The following CANX variants were observed in gnomAD, a reference collection of about 807,000 sequenced individuals.
CANX encodes calnexin, also known as epididymis secretory sperm binding protein.
In CANX, 14 loss-of-function variants were observed where a neutral mutation model predicts 75.7. The ratio of observed to expected loss-of-function variants is 0.19; its 90% CI spans 0.12 to 0.29. The LOEUF is 0.29. Among genes scored for constraint, CANX ranks in the 10% least tolerant of loss-of-function variants. The pLI, the probability that CANX is intolerant of heterozygous loss-of-function variation, is 1.00. For missense variants in CANX, 567 were observed against 713.2 expected (o/e 0.79, Z 2.34); for synonymous variants, 227 against 236.9 (o/e 0.96, Z 0.38).
At chr5:179,718,704 T>G (rs569645849) in intron 8 of CANX, among the ~76,000 whole-genome samples, 17 of 152,154 alleles carry the variant, frequency 1.1e-4, no homozygotes, top group South Asian at 2.1e-4. Context: ...AATTTTGTAT[T>G]TTTAGTAGAG....
chr5:179,705,650 A>G lies in CANX; in HGVS notation c.-3-29A>G, dbSNP rs186191355. On this transcript the variant is annotated intron_variant, in intron 1 of 14. Coordinates refer to ENST00000247461, the MANE Select transcript of CANX (RefSeq NM_001746.4). ...CATGAAGTTTGATAGGTGGCAATAC[A>G]TTTAACTGATTTTGCTCTTTATGTG... 1,106 of 1,579,022 alleles carry G rather than the reference A, an allele frequency of 7.0e-4. 11 individuals are homozygous for G. In the South Asian group the frequency reaches 9.2e-3, roughly 13 times the overall value.
intron 11 of CANX, 116 bp downstream of exon 11, chr5:179,723,135 C>A: frequency 1.2e-6 from 1 of 821,932 alleles, no homozygotes; most frequent in Non-Finnish European, 2.0e-6. Flanking sequence ...AAAAGTATAA[C>A]CATATGCCTG....
At chr5:179,696,694 C>G (rs1275241631), upstream of CANX, among the ~76,000 whole-genome samples, 1 of 152,180 alleles carries the variant, frequency 6.6e-6, no homozygotes, top group African/African-American at 2.4e-5. Context: ...TATGAGAATA[C>G]ATCTCCCTTT....
At chr5:179,713,090 T>A (rs767938086) in intron 7 of CANX, among the ~76,000 whole-genome samples, 1 of 151,762 alleles carries the variant, frequency 6.6e-6, no homozygotes, top group Non-Finnish European at 1.5e-5. Context: ...AACCTTTTTT[T>A]CTTTTTTTTG....
At chr5:179,722,106 G>A (rs931011298) in intron 10 of CANX, among the ~76,000 whole-genome samples, 5 of 152,132 alleles carry the variant, frequency 3.3e-5, no homozygotes. Flanking sequence ...GAGGTGGGTG[G>A]ATCACCTGAG....
chr5:179,678,866 C>A (rs1268550218), intron 1 of CANX: 1 of 1,536,454 alleles, frequency 6.5e-7, no homozygotes, highest in Non-Finnish European at 8.7e-7. Context: ...CAGCGGCGAC[C>A]GCGTCCTCGC....
Position 179,716,201 on chromosome 5 carries a change from C to T in CANX, c.818C>T (p.Ser273Leu), listed in dbSNP as rs143170114. ...LNDMTPPVNPSREIEDPEDRK... is the reference protein window; with the variant it reads ...LNDMTPPVNPLREIEDPEDRK... ...GACATGACTCCTCCTGTAAATCCTT[C>T]ACGTGAAATTGAGGACCCAGAAGAC... The change falls in exon 8 of 15, where the codon TCA becomes TTA. Residue 273 changes from serine to leucine, a missense_variant. Physicochemically the swap from Ser to Leu is moderately radical, Grantham distance 145. This residue lies in a region of CANX where 351 missense variants were observed against 433.8 expected (regional missense o/e 0.81). Coordinates refer to ENST00000247461, the MANE Select transcript of CANX (RefSeq NM_001746.4). 20 of 1,613,542 alleles carry T rather than the reference C, an allele frequency of 1.2e-5. No homozygotes were observed. The African/African-American group carries it at 2.5e-4, about 20-fold the overall frequency.
At chr5:179,698,454 C>G (rs776263764), upstream of CANX, 22 of 1,288,378 alleles carry the variant, frequency 1.7e-5, no homozygotes, top group East Asian at 1.1e-4. Flanking sequence ...GCGCTGGGTT[C>G]TGCTCACGCC....
intron 5 of CANX, 23 bp from the exon 6 acceptor site, chr5:179,708,955 T>C: frequency 7.9e-7 from 1 of 1,261,224 alleles, no homozygotes. Context: ...CATACAGTTT[T>C]CTGCTTTTCT....
intron 14 of CANX, 93 bp from the exon 15 acceptor site, chr5:179,728,488 TCCTCAAATAA>T: frequency 1.5e-6 from 1 of 685,154 alleles, no homozygotes; most frequent in Admixed American, 2.6e-5. Context: ...CTCATTTTTT[TCCTCAAATAA>T]GTTACCCTCA....
Position 179,686,005 on chromosome 5 carries a change from T to C in CANX, c.-4+7228T>C, listed in dbSNP as rs767726403. On this transcript the variant is annotated intron_variant, in intron 1 of 14. Transcript: ENST00000681674. ...CGTGCCCAGCCTCATCCTTAATAAA[T>C]TGAGGTTTTAATTTGCATTTCTCTA... is the stretch of plus-strand genomic sequence containing the variant. Among the ~76,000 whole-genome samples the C allele has an allele frequency of 6.2e-4, 95 of 152,036 alleles. 1 individual carries two copies. Among genetic ancestry groups the C allele is most frequent in the Non-Finnish European group, 1.0e-3 (69 of 68,026 alleles).
Position 179,728,991 on chromosome 5 carries a change from A to G in CANX, c.*347A>G. ...AGATCTTGGCTTAATTTAATGTATT[A>G]ATCTGTTTGTGCAAACATAATACCA... On this transcript the variant is annotated 3_prime_UTR_variant, in exon 15 of 15. Transcript: ENST00000247461. The G allele has an allele frequency of 1.8e-5, 6 of 334,912 alleles. No homozygotes were observed. The highest frequency in any genetic ancestry group is 1.5e-4 in the South Asian group (6 of 40,492). 20.7% of individuals were successfully genotyped at this position (334,912 alleles called of 1,614,324 possible). A position where few individuals can be genotyped will look rare whatever the true frequency, so the allele number is the denominator to read the frequency against.
At chr5:179,704,527 GAAA>G (rs548978305) in intron 1 of CANX, 3 of 134,376 alleles carry the variant, frequency 2.2e-5, no homozygotes, top group African/African-American at 2.8e-5. Flanking sequence ...CTCATCTCAG[GAAA>G]AAAAAAAAAA....
chr5:179,705,452 T>A (rs1398654884), intron 1 of CANX, among the ~76,000 whole-genome samples: 2 of 152,252 alleles, frequency 1.3e-5, no homozygotes, highest in South Asian at 2.1e-4. Flanking sequence ...ATGTTGTGTA[T>A]GTTTCAGTTT....
rs776896303 is a variant in CANX at position 179,709,073 on chromosome 5, A to G, written c.528+14A>G. Reference sequence around the variant, plus strand: ...GAACTCAACCTGGTATGTAATTCCCATTTCTGGAATGTGGCTGGACACCCA... The same window carrying G: ...GAACTCAACCTGGTATGTAATTCCCGTTTCTGGAATGTGGCTGGACACCCA... On this transcript the variant is annotated intron_variant, in intron 6 of 14. Coordinates refer to ENST00000247461, the MANE Select transcript of CANX (RefSeq NM_001746.4). The G allele has an allele frequency of 1.6e-5, 23 of 1,468,830 alleles. No homozygotes were observed. Among genetic ancestry groups the G allele is most frequent in the Admixed American group, 3.3e-5 (2 of 59,796 alleles). The allele number at this position is 1,468,830 out of a possible 1,614,324, so 91.0% of individuals were successfully genotyped here.
At chr5:179,678,662 C>T in exon 1 of CANX, 1 of 1,535,504 alleles carries the variant, frequency 6.5e-7, no homozygotes. Flanking sequence ...CTTCCTCTGC[C>T]CGGCGCGCGC....
chr5:179,721,286 C>T (rs1375317327), intron 10 of CANX, among the ~76,000 whole-genome samples: 4 of 152,146 alleles, frequency 2.6e-5, no homozygotes, highest in East Asian at 3.9e-4. Context: ...GACGGGGCTT[C>T]GCCATGTTGG....
chr5:179,715,795 G>A (rs1302391047), intron 7 of CANX: 1 of 383,568 alleles, frequency 2.6e-6, no homozygotes, highest in Admixed American at 4.3e-5. Context: ...CAATAATTGT[G>A]TTAGTTTATG....
At chr5:179,680,888 G>T in intron 1 of CANX, 1 of 1,536,852 alleles carries the variant, frequency 6.5e-7, no homozygotes. Context: ...CCAAGATCTG[G>T]TTCAGGGAGA....
Sources: allele counts gnomAD v4.1 joint callset (sites outside exome capture counted in the v4.1 genomes callset), GRCh38; gene constraint gnomAD v4.1.1; regional missense constraint gnomAD v4.1.1; transcripts MANE v1.5; gene names NCBI Gene and HGNC (gene_info 2026-07-23, HGNC 2026-07-21).